The following DGUOK variants were observed in gnomAD, a reference collection of about 807,000 sequenced individuals.
DGUOK encodes deoxyguanosine kinase.
A neutral mutation model predicts 36.6 loss-of-function variants in DGUOK; 30 were observed. The ratio of observed to expected loss-of-function variants is 0.82; its 90% CI spans 0.61 to 1.11. The LOEUF is 1.11. Ranked by LOEUF, DGUOK falls within the 50% of genes most tolerant of loss-of-function variation. The probability of loss-of-function intolerance (pLI) is 0.00; values close to 1 mark genes in which losing one functional copy is unlikely to be tolerated. For synonymous variants in DGUOK, 145 were observed against 126.3 expected (o/e 1.15, Z -0.99); for missense variants, 361 against 336.4 (o/e 1.07, Z -0.57).
chr2:73,947,161 T>C, intron 3 of DGUOK: 1 of 491,838 alleles, frequency 2.0e-6, no homozygotes, highest in Non-Finnish European at 3.7e-6. Flanking sequence ...TACCTTATGT[T>C]TCCTTATTTT....
intron 4 of DGUOK, among the ~76,000 whole-genome samples, chr2:73,952,098 GC>G (rs1682745824): frequency 6.6e-6 from 1 of 152,192 alleles, no homozygotes; most frequent in Admixed American, 6.5e-5. Flanking sequence ...AAGTCCAGGA[GC>G]TCGAGGCTAC....
Position 73,958,253 on chromosome 2 carries a change from G to C in DGUOK, c.807+8G>C, listed in dbSNP as rs762549076. 2 of 1,601,198 alleles carry C rather than the reference G, an allele frequency of 1.2e-6. No homozygotes were observed. Among genetic ancestry groups the C allele is most frequent in the Non-Finnish European group, 8.6e-7 (1 of 1,168,620 alleles). On this transcript the variant is annotated splice_region_variant and intron_variant, in intron 6 of 6. Coordinates refer to ENST00000264093, the MANE Select transcript of DGUOK (RefSeq NM_080916.3). ...GAAGACCTCATGAGAGAGGTGGGAA[G>C]GACTTTAACTCCTGTTTTCTGGTGG...
intron 1 of DGUOK, 64 bp downstream of exon 1, chr2:73,927,116 A>G: frequency 6.3e-7 from 1 of 1,597,846 alleles, no homozygotes; most frequent in Non-Finnish European, 8.5e-7. Flanking sequence ...AGGCTGGGAA[A>G]GGAGCTGGGC....
intron 1 of DGUOK, 135 bp from the exon 2 acceptor site, chr2:73,938,775 C>T (rs1003364641): frequency 1.6e-5 from 11 of 705,434 alleles, no homozygotes; most frequent in East Asian, 1.4e-4. Flanking sequence ...GACAATGGTA[C>T]GGCTGCTGAG....
chr2:73,945,237 T>G (rs1682209532), intron 2 of DGUOK, among the ~76,000 whole-genome samples: 1 of 152,244 alleles, frequency 6.6e-6, no homozygotes, highest in Non-Finnish European at 1.5e-5. Context: ...TAATGCCACT[T>G]TCTTTCAGAA....
At position 73,958,143 on chromosome 2, in the gene DGUOK, T is replaced by A; in HGVS notation, c.708-3T>A. On this transcript the variant is annotated splice_polypyrimidine_tract_variant and splice_region_variant and intron_variant, in intron 5 of 6. Transcript: ENST00000264093. Reference sequence around the variant, plus strand: ...GTCCCCCAAACGTTCACGCTTCTTATAGGCTCCACTTTGAGGCTCTGATGA... The same window carrying A: ...GTCCCCCAAACGTTCACGCTTCTTAAAGGCTCCACTTTGAGGCTCTGATGA... The A allele has an allele frequency of 3.1e-6, 5 of 1,613,034 alleles. No individual in the cohort carries two copies. Among genetic ancestry groups the A allele is most frequent in the Non-Finnish European group, 4.2e-6 (5 of 1,179,140 alleles).
chr2:73,955,023 G>A (rs1301125743), intron 4 of DGUOK, among the ~76,000 whole-genome samples: 1 of 152,044 alleles, frequency 6.6e-6, no homozygotes, highest in Non-Finnish European at 1.5e-5. Context: ...AGTTTACTTC[G>A]ACCTCTTTTT....
intron 2 of DGUOK, among the ~76,000 whole-genome samples, chr2:73,943,387 C>T (rs943138752): frequency 4.0e-5 from 6 of 149,508 alleles, no homozygotes; most frequent in African/African-American, 9.9e-5. Context: ...GTCTCGAACT[C>T]CTGGGCTCAA....
At chr2:73,947,941 A>G (rs1373621514) in intron 3 of DGUOK, 1 of 152,194 alleles carries the variant, frequency 6.6e-6, no homozygotes, top group Non-Finnish European at 1.5e-5. Flanking sequence ...GCCTCCTAGA[A>G]GAAAAAAAAT....
chr2:73,957,133 G>A lies in DGUOK; in HGVS notation c.600G>A (p.Leu200=), dbSNP rs2105000539. 11 of 1,613,626 alleles carry A rather than the reference G, an allele frequency of 6.8e-6. No individual in the cohort carries two copies. Among genetic ancestry groups the A allele is most frequent in the Non-Finnish European group, 9.3e-6 (11 of 1,179,618 alleles). ...IYLQASPQVC[L]KRLYQRAREE... is the part of the protein sequence containing the mutation. ...TGGGGACTGTCTTTTAGGTTTGTTTGAAGAGACTGTACCAGAGGGCCAGGG... is the reference window on the plus strand; with the variant it reads ...TGGGGACTGTCTTTTAGGTTTGTTTAAAGAGACTGTACCAGAGGGCCAGGG... The change falls in exon 5 of 7, where the codon TTG becomes TTA. Residue 200 remains leucine, a synonymous_variant. Coordinates refer to ENST00000264093, the MANE Select transcript of DGUOK (RefSeq NM_080916.3).
intron 4 of DGUOK, among the ~76,000 whole-genome samples, chr2:73,952,112 T>A (rs1337955416): frequency 6.6e-6 from 1 of 152,142 alleles, no homozygotes; most frequent in Non-Finnish European, 1.5e-5. Flanking sequence ...GAGGCTACAG[T>A]GAGCTGTGAT....
intron 1 of DGUOK, among the ~76,000 whole-genome samples, chr2:73,931,355 A>G (rs1242894665): frequency 2.7e-5 from 4 of 150,408 alleles, no homozygotes; most frequent in East Asian, 2.0e-4. Context: ...TCTCACTGCA[A>G]CCTCCGCTTC....
At chr2:73,946,010 G>A (rs546858318) in intron 2 of DGUOK, among the ~76,000 whole-genome samples, 9 of 146,966 alleles carry the variant, frequency 6.1e-5, no homozygotes, top group South Asian at 2.1e-4. Context: ...AGCTGAGATC[G>A]TGCCACTGCA....
chr2:73,952,127 C>A (rs961543787), intron 4 of DGUOK, among the ~76,000 whole-genome samples: 1 of 152,180 alleles, frequency 6.6e-6, no homozygotes, highest in Non-Finnish European at 1.5e-5. Context: ...TGTGATCGTG[C>A]CACTATACTC....
At chr2:73,940,778 C>T (rs1015614480) in intron 2 of DGUOK, among the ~76,000 whole-genome samples, 24 of 152,238 alleles carry the variant, frequency 1.6e-4, no homozygotes, top group Non-Finnish European at 1.5e-5. Context: ...GCATGCGATA[C>T]AGCTTTGTAG....
intron 2 of DGUOK, 47 bp from the exon 3 acceptor site, chr2:73,946,672 A>G (rs1292469952): frequency 1.9e-6 from 3 of 1,575,590 alleles, no homozygotes; most frequent in Non-Finnish European, 2.6e-6. Flanking sequence ...CCCATGGAGT[A>G]AATATGCTTT....
chr2:73,946,887 AGG>A lies in DGUOK; in HGVS notation c.425_426del (p.Arg142IlefsTer5). On this transcript the variant is annotated frameshift_variant, in exon 3 of 7. Coordinates refer to ENST00000264093, the MANE Select transcript of DGUOK (RefSeq NM_080916.3). LOFTEE classifies it high-confidence loss of function. ...CAGGAAGCCAGTACAGATCTTTGAG[AGG>A]TCTGTGTACAGTGACAGGTAAAATG... The part of the protein sequence containing the change: ...QARKPVQIFE[R>X]SVYSDRYIFA... 1 of 1,612,768 alleles carries A rather than the reference AGG, an allele frequency of 6.2e-7. No individual in the cohort carries two copies. Among genetic ancestry groups the A allele is most frequent in the East Asian group, 2.2e-5 (1 of 44,874 alleles).
intron 2 of DGUOK, among the ~76,000 whole-genome samples, chr2:73,945,479 T>G (rs1163179918): frequency 6.6e-6 from 1 of 152,190 alleles, no homozygotes; most frequent in Non-Finnish European, 1.5e-5. Flanking sequence ...CACAAGTAAG[T>G]TACTTAACCT....
rs1485832651 is a variant in DGUOK, at chr2:73,946,892, T to C, written c.429T>C (p.Ser143=). 3 of 1,612,116 alleles carry C rather than the reference T, an allele frequency of 1.9e-6. No homozygotes were observed. The East Asian group carries it at 6.7e-5, about 36-fold the overall frequency. Residue 143 remains serine, a synonymous_variant, in exon 3 of 7, where the codon TCT becomes TCC. Transcript: ENST00000264093. ...ARKPVQIFER[S]VYSDRYIFAK... ...AGCCAGTACAGATCTTTGAGAGGTC[T>C]GTGTACAGTGACAGGTAAAATGCCA...
Sources: gnomAD v4.1 joint callset for allele counts (sites outside exome capture counted in the v4.1 genomes callset) on GRCh38, gnomAD v4.1.1 for gene constraint, MANE v1.5 for transcripts, NCBI Gene and HGNC (gene_info 2026-07-23, HGNC 2026-07-21) for gene names.